The following NSUN5 variants were observed in gnomAD, a reference collection of about 807,000 sequenced individuals.
NSUN5 encodes NOP2/Sun RNA methyltransferase 5.
NSUN5 carries 39 observed loss-of-function variants against 51.1 expected under a neutral mutation model. The ratio of observed to expected loss-of-function variants is 0.76; its 90% confidence interval spans 0.59 to 1.00. NSUN5 has a LOEUF of 1.00. NSUN5 is among the 50% of genes least tolerant of loss of function. The pLI, the probability that NSUN5 is intolerant of heterozygous loss-of-function variation, is 0.00. For missense variants in NSUN5, 526 were observed against 614.0 expected, an observed-to-expected ratio of 0.86 and a Z score of 1.51; for synonymous variants, 266 against 271.5, an observed-to-expected ratio of 0.98 and a Z score of 0.20.
At position 73,308,481 on chromosome 7, in the gene NSUN5, T is replaced by C; in HGVS notation, c.166A>G (p.Ser56Gly). The change falls in exon 2 of 10, where the codon AGC (serine) becomes GGC (glycine). Residue 56 changes from serine to glycine, a missense_variant. Transcript: ENST00000438747. Reference protein sequence around the residue: ...YSAVLDAVIASAGLLRAEKKL... With the variant: ...YSAVLDAVIAGAGLLRAEKKL... ...TTCTCCGCACGGAGGAGGCCGGCGC[T>C]GGCGATCACAGCATCCAGCACGGCG... 1.9e-6 allele frequency: 3 copies of C among 1,608,232 alleles called. No homozygotes were observed. The highest frequency in any genetic ancestry group is 2.5e-6 in the Non-Finnish European group (3 of 1,176,816).
rs149127343 is a variant in NSUN5, at chr7:73,307,403, C to T, written c.491G>A (p.Arg164Gln). ...GGCTCTAAGCTCTCACCTGGAAGCC[C>T]GACCCTGATAGGAGAAACCTTGTCT... The part of the protein sequence containing the change: ...FKRQGFSYQG[R>Q]ASSLDDLRAL... Residue 164 changes from arginine (R) to glutamine (Q), a missense_variant, in exon 4 of 10, where the codon CGG (arginine) becomes CAG (glutamine). Arg to Gln is a conservative substitution (Grantham distance 43). Coordinates refer to ENST00000438747, the MANE Select transcript of NSUN5 (RefSeq NM_148956.4). The T allele has an allele frequency of 7.9e-5, 127 of 1,613,776 alleles. No homozygotes were observed. The African/African-American group carries it at 1.1e-3, about 15-fold the overall frequency.
Position 73,307,944 on chromosome 7 carries a change from T to C in NSUN5, c.217-187A>G, listed in dbSNP as rs566615622. 149 of 612,604 alleles carry C rather than the reference T, an allele frequency of 2.4e-4. 1 individual carries two copies. The highest frequency in any genetic ancestry group is 1.6e-4 in the Non-Finnish European group (56 of 356,254). 37.9% of individuals were successfully genotyped at this position (612,604 alleles called of 1,614,324 possible). A position where few individuals can be genotyped will look rare whatever the true frequency, so the allele number is the denominator to read the frequency against. On this transcript the variant is annotated intron_variant, in intron 2 of 9. Coordinates refer to ENST00000438747, the MANE Select transcript of NSUN5 (RefSeq NM_148956.4). ...TACAGAACAGGATCGGAACCTGGCG[T>C]CTCGCTTCCCAGCCTTAGACCCTTT...
chr7:73,303,861 C>T lies in NSUN5; in HGVS notation c.1110G>A (p.Val370=), dbSNP rs4030996. 9.9e-6 allele frequency: 16 copies of T among 1,613,720 alleles called. No homozygotes were observed. Among genetic ancestry groups the T allele is most frequent in the South Asian group, 9.9e-5 (9 of 91,078 alleles). The change falls in exon 8 of 10, where the codon GTG becomes GTA. Residue 370 remains valine, a synonymous_variant. Transcript: ENST00000438747. Reference sequence around the variant, plus strand: ...CCGGGTTCTGCTGCAGCGCATCTCGCACCACGTCTTCATTCTCCTCCTGGC... The same window carrying T: ...CCGGGTTCTGCTGCAGCGCATCTCGTACCACGTCTTCATTCTCCTCCTGGC... ...SLCQEENEDV[V]RDALQQNPGA...
Position 73,304,808 on chromosome 7 carries a change from C to T in NSUN5, c.694G>A (p.Asp232Asn), listed in dbSNP as rs782283410. The T allele has an allele frequency of 1.3e-5, 21 of 1,613,814 alleles. No individual in the cohort carries two copies. Among genetic ancestry groups the T allele is most frequent in the Middle Eastern group, 1.7e-4 (1 of 6,036 alleles). ...LDPPPGSHVIDACAAPGNKTS... is the reference protein window; with the variant it reads ...LDPPPGSHVINACAAPGNKTS... The stretch of plus-strand genomic sequence containing the variant: ...TTATTGCCTGGGGCGGCACAGGCAT[C>T]GATGACATGGGAGCCTGGCGGGGGG... The change falls in exon 6 of 10, where the codon GAT becomes AAT. Residue 232 changes from aspartate to asparagine, a missense_variant. Physicochemically the swap from Asp to Asn is conservative, Grantham distance 23. Coordinates refer to ENST00000438747, the MANE Select transcript of NSUN5 (RefSeq NM_148956.4).
At chr7:73,306,519 G>C (rs781798998) in intron 4 of NSUN5, among the ~76,000 whole-genome samples, 2 of 151,850 alleles carry the variant, frequency 1.3e-5, no homozygotes, top group East Asian at 1.9e-4. Context: ...ACCAGTCTGG[G>C]AAGTTCTTGT....
chr7:73,302,982 A>G lies in NSUN5; in HGVS notation c.*433T>C. On this transcript the variant is annotated 3_prime_UTR_variant, in exon 10 of 10. Coordinates refer to ENST00000438747, the MANE Select transcript of NSUN5 (RefSeq NM_148956.4). ...CTTCTACCTGTACCTTATGTAAGGT[A>G]GACCCTCCTAGTGTCAGCACCTGAG... 1 of 1,183,220 alleles carries G rather than the reference A, an allele frequency of 8.5e-7. No individual in the cohort carries two copies. 73.3% of individuals were successfully genotyped at this position (1,183,220 alleles called of 1,614,324 possible).
intron 4 of NSUN5, among the ~76,000 whole-genome samples, chr7:73,306,078 T>A (rs1554541779): frequency 1.3e-5 from 2 of 152,016 alleles, no homozygotes; most frequent in African/African-American, 4.8e-5. Context: ...GACAGCACAG[T>A]GGAGCCAAGA....
At chr7:73,304,137 A>G (rs1250801860) in intron 7 of NSUN5, 93 bp downstream of exon 7, 300 of 1,559,512 alleles carry the variant, frequency 1.9e-4, no homozygotes, top group Non-Finnish European at 4.7e-5. Flanking sequence ...TCCCAAGCCC[A>G]TTAGTGTCAG....
At chr7:73,307,870 G>C in intron 2 of NSUN5, 113 bp from the exon 3 acceptor site, 1 of 949,190 alleles carries the variant, frequency 1.1e-6, no homozygotes, top group Non-Finnish European at 1.6e-6. Context: ...CAGATCACCT[G>C]ACAAGATACA....
At chr7:73,308,604 G>T in intron 1 of NSUN5, 51 bp from the exon 2 acceptor site, 1 of 1,586,154 alleles carries the variant, frequency 6.3e-7, no homozygotes, top group Non-Finnish European at 8.6e-7. Context: ...GGCCCTCCTC[G>T]CCGGGCCCCA....
rs1554542283 is a variant in NSUN5, at chr7:73,308,473, G to A, written c.174C>T (p.Gly58=). 6.2e-7 allele frequency: 1 copy of A among 1,607,984 alleles called. No individual in the cohort carries two copies. The highest frequency in any genetic ancestry group is 1.1e-5 in the South Asian group (1 of 90,892). The change falls in exon 2 of 10, where the codon GGC becomes GGT. Residue 58 remains glycine, a synonymous_variant. Coordinates refer to ENST00000438747, the MANE Select transcript of NSUN5 (RefSeq NM_148956.4). ...AVLDAVIASA[G]LLRAEKKLRP... ...GCAGCTTCTTCTCCGCACGGAGGAGGCCGGCGCTGGCGATCACAGCATCCA... is the reference window on the plus strand; with the variant it reads ...GCAGCTTCTTCTCCGCACGGAGGAGACCGGCGCTGGCGATCACAGCATCCA...
At chr7:73,307,848 G>T in intron 2 of NSUN5, 91 bp from the exon 3 acceptor site, 1 of 1,168,586 alleles carries the variant, frequency 8.6e-7, no homozygotes, top group Non-Finnish European at 1.2e-6. Flanking sequence ...CCCCGGCAAT[G>T]GAATGGCTAA....
chr7:73,303,991 C>A lies in NSUN5; in HGVS notation c.980G>T (p.Ser327Ile). ...QLEEPGAGTP[S>I]PVRLHALAGF... ...TGCCAGGGCATGCAGACGCACCGGG[C>A]TAGGTGTGCCTGCCCCGGGCTCCTC... Residue 327 changes from serine to isoleucine, a missense_variant, in exon 8 of 10, where the codon AGC (serine) becomes ATC (isoleucine). By Grantham distance (142) the Ser-to-Ile change is moderately radical (BLOSUM62 -2). Coordinates refer to ENST00000438747, the MANE Select transcript of NSUN5 (RefSeq NM_148956.4). 6.2e-7 allele frequency: 1 copy of A among 1,614,198 alleles called. No individual in the cohort carries two copies. The highest frequency in any genetic ancestry group is 1.1e-5 in the South Asian group (1 of 91,080).
In NSUN5 at chr7:73,304,833, G is replaced by T. The variant is rs782052243; in HGVS notation, c.669C>A (p.Asp223Glu). 6.8e-6 allele frequency: 11 copies of T among 1,613,740 alleles called. No individual in the cohort carries two copies. The highest frequency in any genetic ancestry group is 3.3e-5 in the Admixed American group (2 of 60,002). ...CGATGACATGGGAGCCTGGCGGGGG[G>T]TCCAGCAGCATGGCTGGGAGACAGC... ...RASCLPAMLL[D>E]PPPGSHVIDA... Residue 223 changes from aspartate to glutamate, a missense_variant, in exon 6 of 10, where the codon GAC becomes GAA. Coordinates refer to ENST00000438747, the MANE Select transcript of NSUN5 (RefSeq NM_148956.4).
In NSUN5 at chr7:73,304,247, G is replaced by A; in HGVS notation, c.917C>T (p.Pro306Leu). The change falls in exon 7 of 10, where the codon CCT (proline) becomes CTT (leucine). Residue 306 changes from proline to leucine, a missense_variant. Pro to Leu is a moderately conservative substitution (Grantham distance 98). Transcript: ENST00000438747. ...CATCTCACCCGAGCCACTGCAGGAAGGATCCAGCAGGATGTAGTGGACCTC... is the reference window on the plus strand; with the variant it reads ...CATCTCACCCGAGCCACTGCAGGAAAGATCCAGCAGGATGTAGTGGACCTC... ...YHEVHYILLD[P>L]SCSGSGMPSR... The A allele has an allele frequency of 1.9e-6, 3 of 1,612,144 alleles. No homozygotes were observed. The highest frequency in any genetic ancestry group is 1.7e-6 in the Non-Finnish European group (2 of 1,179,060).
intron 4 of NSUN5, among the ~76,000 whole-genome samples, chr7:73,306,659 C>T (rs1291895707): frequency 6.6e-6 from 1 of 152,112 alleles, no homozygotes; most frequent in Non-Finnish European, 1.5e-5. Flanking sequence ...GCGGGCAGAT[C>T]ACCTGAGTTC....
At chr7:73,308,308 G>C (rs1322708943) in intron 2 of NSUN5, 123 bp downstream of exon 2, 2 of 1,225,014 alleles carry the variant, frequency 1.6e-6, no homozygotes, top group Non-Finnish European at 2.2e-6. Context: ...AGGGAAGGTC[G>C]GCTCATACTC....
rs1263251973 is a variant in NSUN5 at position 73,307,468 on chromosome 7, A to T, written c.426T>A (p.Thr142=). ...CTACATCATCGGAGCAGGTCTTGAG[A>T]GTGTTCACACGCACAAATCGAGGCA... ...SQLPRFVRVN[T]LKTCSDDVVD... Residue 142 remains threonine, a synonymous_variant, in exon 4 of 10, where the codon ACT becomes ACA. Coordinates refer to ENST00000438747, the MANE Select transcript of NSUN5 (RefSeq NM_148956.4). 3 of 1,614,144 alleles carry T rather than the reference A, an allele frequency of 1.9e-6. No homozygotes were observed. The highest frequency in any genetic ancestry group is 2.5e-6 in the Non-Finnish European group (3 of 1,180,016).
chr7:73,308,798 C>T lies in NSUN5; in HGVS notation c.-8G>A, dbSNP rs781840459. On this transcript the variant is annotated 5_prime_UTR_variant, in exon 1 of 10. Transcript: ENST00000438747. ...TGCAGCATACAGCCCCATGTTCCCG[C>T]GCGCCTTTACGGCTCTGTGGCAAAA... is the stretch of plus-strand genomic sequence containing the variant. 1 of 1,612,550 alleles carries T rather than the reference C, an allele frequency of 6.2e-7. No individual in the cohort carries two copies. The highest frequency in any genetic ancestry group is 2.2e-5 in the East Asian group (1 of 44,826).
Sources: gnomAD v4.1 joint callset for allele counts (sites outside exome capture counted in the v4.1 genomes callset) on GRCh38, gnomAD v4.1.1 for gene constraint, MANE v1.5 for transcripts, NCBI Gene and HGNC (gene_info 2026-07-23, HGNC 2026-07-21) for gene names.